MEIS2: variants seen among roughly 807,000 people sequenced by gnomAD.
The protein encoded by MEIS2 is homeobox protein Meis2.
Under a neutral mutation model 58.6 loss-of-function variants are expected in MEIS2, and 9 were observed. The ratio of observed to expected loss-of-function variants is 0.15; its 90% CI spans 0.09 to 0.27. The LOEUF (loss-of-function observed/expected upper bound fraction) is 0.27. MEIS2 is among the 10% of genes least tolerant of loss of function. The pLI is 1.00. For synonymous variants in MEIS2, 221 were observed against 228.4 expected (o/e 0.97, Z 0.29); for missense variants, 427 against 635.0 (o/e 0.67, Z 3.52).
At position 37,100,117 on chromosome 15, in the gene MEIS2, AT is replaced by A. The variant is rs1300193564; in HGVS notation, c.-652del. 2 of 118,354 alleles carry A rather than the reference AT, an allele frequency of 1.7e-5. No homozygotes were observed. Among genetic ancestry groups the A allele is most frequent in the African/African-American group, 6.6e-5 (2 of 30,488 alleles). The allele number at this position is 118,354 out of a possible 1,614,324, so 7.3% of individuals were successfully genotyped here. A position where few individuals can be genotyped will look rare whatever the true frequency, so the allele number is the denominator to read the frequency against. On this transcript the variant is annotated 5_prime_UTR_variant, in exon 1 of 12. Transcript: ENST00000561208. The stretch of plus-strand genomic sequence containing the variant: ...TTTTAGCTTTGCCCCCGCGGTATCT[AT>A]AATACGATCCTCTCTCTTTAAAGTA...
intron 7 of MEIS2, among the ~76,000 whole-genome samples, chr15:37,038,496 C>A (rs1425252939): frequency 6.6e-6 from 1 of 152,206 alleles, no homozygotes; most frequent in Non-Finnish European, 1.5e-5. Flanking sequence ...ATTTTCACTG[C>A]AATGCGATAC....
At chr15:37,060,203 A>G (rs1889018044) in intron 7 of MEIS2, among the ~76,000 whole-genome samples, 1 of 152,178 alleles carries the variant, frequency 6.6e-6, no homozygotes, top group Non-Finnish European at 1.5e-5. Context: ...AGCCTCCCAA[A>G]GCACTGGGAT....
chr15:37,005,370 A>G (rs1401988211), intron 8 of MEIS2, among the ~76,000 whole-genome samples: 1 of 152,228 alleles, frequency 6.6e-6, no homozygotes, highest in African/African-American at 2.4e-5. Flanking sequence ...CAGTTGACTT[A>G]ACTGAAAGCA....
intron 8 of MEIS2, among the ~76,000 whole-genome samples, chr15:36,955,228 CAATT>C (rs1355225205): frequency 6.6e-6 from 1 of 152,018 alleles, no homozygotes; most frequent in Non-Finnish European, 1.5e-5. Context: ...AAACAAGAAA[CAATT>C]AAGATATTTT....
intron 8 of MEIS2, among the ~76,000 whole-genome samples, chr15:37,030,619 G>A (rs2061877524): frequency 6.6e-6 from 1 of 150,790 alleles, no homozygotes. Context: ...TTACAGGCGT[G>A]AGTCATCGCC....
intron 8 of MEIS2, among the ~76,000 whole-genome samples, chr15:36,965,711 C>T (rs2059331667): frequency 6.6e-6 from 1 of 152,124 alleles, no homozygotes; most frequent in African/African-American, 2.4e-5. Flanking sequence ...AAACTTTTCC[C>T]TAGCCCAGGC....
At chr15:36,973,560 A>T (rs182921217) in intron 8 of MEIS2, among the ~76,000 whole-genome samples, 40 of 152,334 alleles carry the variant, frequency 2.6e-4, no homozygotes, top group Non-Finnish European at 4.6e-4. Flanking sequence ...TAAAAAAGAA[A>T]ACATGAGTGA....
chr15:36,969,933 G>A (rs1304275418), intron 8 of MEIS2, among the ~76,000 whole-genome samples: 1 of 151,722 alleles, frequency 6.6e-6, no homozygotes, highest in Admixed American at 6.6e-5. Flanking sequence ...ACAGATATAA[G>A]AAAACTATAC....
chr15:36,960,831 T>C (rs1194091429), intron 8 of MEIS2, among the ~76,000 whole-genome samples: 1 of 152,138 alleles, frequency 6.6e-6, no homozygotes, highest in East Asian at 1.9e-4. Flanking sequence ...CCACAAAATA[T>C]GACAAAGTAA....
In MEIS2 at chr15:37,099,062, G is replaced by C. The variant is rs1212632204; in HGVS notation, c.12+393C>G. The C allele has an allele frequency of 4.6e-5, 45 of 984,916 alleles. No individual in the cohort carries two copies. In the Admixed American group the frequency reaches 2.7e-3, roughly 60 times the overall value. The allele number at this position is 984,916 out of a possible 1,614,324, so 61.0% of individuals were successfully genotyped here. On this transcript the variant is annotated intron_variant, in intron 1 of 11. Transcript: ENST00000561208. Reference sequence around the variant, plus strand: ...CCTACGCAGCCCGTGCCCGCCCCGAGCCGCGCGAGCCACGGCGGCAGCGGC... The same window carrying C: ...CCTACGCAGCCCGTGCCCGCCCCGACCCGCGCGAGCCACGGCGGCAGCGGC...
chr15:37,030,386 G>C (rs1314160017), intron 8 of MEIS2, among the ~76,000 whole-genome samples: 3 of 151,536 alleles, frequency 2.0e-5, no homozygotes, highest in African/African-American at 7.3e-5. Context: ...TTTTAGGCTG[G>C]AGTGCAGTGG....
intron 7 of MEIS2, among the ~76,000 whole-genome samples, chr15:37,059,559 A>G (rs1472465865): frequency 6.6e-6 from 1 of 152,100 alleles, no homozygotes; most frequent in Non-Finnish European, 1.5e-5. Flanking sequence ...GATCCAAGTT[A>G]TTACATGTCT....
At chr15:37,045,598 CT>C (rs1254899189) in intron 7 of MEIS2, among the ~76,000 whole-genome samples, 6 of 152,190 alleles carry the variant, frequency 3.9e-5, no homozygotes, top group African/African-American at 1.2e-4. Flanking sequence ...TGCAATTTAC[CT>C]TTTTTTCACA....
intron 8 of MEIS2, among the ~76,000 whole-genome samples, chr15:37,012,494 G>A (rs561989939): frequency 7.9e-5 from 12 of 152,298 alleles, no homozygotes; most frequent in African/African-American, 2.2e-4. Flanking sequence ...CACAGGTGAC[G>A]TGTGCCCACA....
intron 6 of MEIS2, among the ~76,000 whole-genome samples, chr15:37,087,204 T>C (rs922311736): frequency 6.6e-6 from 1 of 152,152 alleles, no homozygotes; most frequent in South Asian, 2.1e-4. Flanking sequence ...AAAAAAATCA[T>C]GAAGACACCC....
At chr15:36,977,789 A>C (rs1189505529) in intron 8 of MEIS2, among the ~76,000 whole-genome samples, 1 of 152,166 alleles carries the variant, frequency 6.6e-6, no homozygotes, top group Non-Finnish European at 1.5e-5. Context: ...TATCTTCTTG[A>C]GTGTTTTCTC....
chr15:37,048,814 C>T (rs371718543), intron 7 of MEIS2, among the ~76,000 whole-genome samples: 33 of 152,060 alleles, frequency 2.2e-4, no homozygotes, highest in African/African-American at 8.0e-4. Context: ...GTGATAGTTA[C>T]CTATAGAAAA....
rs147008740 is a variant in MEIS2, at chr15:36,978,414, G to A, written c.901-28014C>T. On this transcript the variant is annotated intron_variant, in intron 8 of 11. Transcript: ENST00000561208. ...TGAATGCAGGCCAGCCTGGCTCCAGGATCTGTGCTCTTATCGCTGTACCAC... is the reference window on the plus strand; with the variant it reads ...TGAATGCAGGCCAGCCTGGCTCCAGAATCTGTGCTCTTATCGCTGTACCAC... 2.7e-3 allele frequency among the ~76,000 whole-genome samples: 418 copies of A among 152,326 alleles called. 2 individuals are homozygous for A. Among genetic ancestry groups the A allele is most frequent in the African/African-American group, 9.8e-3 (407 of 41,574 alleles).
chr15:36,927,638 G>C (rs1398676070), intron 9 of MEIS2, among the ~76,000 whole-genome samples: 1 of 151,932 alleles, frequency 6.6e-6, no homozygotes, highest in African/African-American at 2.4e-5. Context: ...AAATCTTTAA[G>C]AAATATGACA....
Sources: gnomAD v4.1 joint callset for allele counts (sites outside exome capture counted in the v4.1 genomes callset) on GRCh38, gnomAD v4.1.1 for gene constraint, MANE v1.5 for transcripts, NCBI Gene and HGNC (gene_info 2026-07-23, HGNC 2026-07-21) for gene names.